Variants in VDAC1 observed in about 807,000 individuals in gnomAD.
VDAC1 encodes the protein voltage dependent anion channel 1.
VDAC1 carries 10 observed loss-of-function variants against 34.7 expected under a neutral mutation model. That is an observed-to-expected ratio of 0.29 (90% CI 0.18 to 0.49). VDAC1 has a LOEUF of 0.49. Ranked by LOEUF, VDAC1 falls within the 20% of genes least tolerant of loss-of-function variation. The probability of loss-of-function intolerance (pLI) is 0.99; values close to 1 mark genes in which losing one functional copy is unlikely to be tolerated. For synonymous variants in VDAC1, 130 were observed against 136.0 expected (o/e 0.96, Z 0.30); for missense variants, 230 against 347.9 (o/e 0.66, Z 2.69).
intron 5 of VDAC1, among the ~76,000 whole-genome samples, chr5:133,990,350 G>A (rs1402911624): frequency 6.6e-6 from 1 of 152,212 alleles, no homozygotes; most frequent in East Asian, 1.9e-4. Context: ...GCTTCCAAAT[G>A]TCACCCACTC....
At chr5:134,102,342 C>A in the VDAC1 span, among the ~76,000 whole-genome samples, 956 of 149,820 alleles carry the variant, frequency 6.4e-3, 32 homozygotes, top group East Asian at 0.079. Flanking sequence ...CTACCCCCCC[C>A]ACCCCAAAGC....
the VDAC1 span, among the ~76,000 whole-genome samples, chr5:134,075,737 C>T: frequency 2.6e-5 from 4 of 151,920 alleles, no homozygotes; most frequent in Non-Finnish European, 5.9e-5. Flanking sequence ...GCGCGTGCCA[C>T]CAGGCCCGGC....
At chr5:134,101,661 A>G in the VDAC1 span, among the ~76,000 whole-genome samples, 5,853 of 152,048 alleles carry the variant, frequency 0.038, 178 homozygotes, top group African/African-American at 0.083. Context: ...TCCTGTCACC[A>G]TTGTTATTGC....
At chr5:133,992,861 G>A (rs1753158463) in intron 2 of VDAC1, 85 bp downstream of exon 2, 2 of 1,325,556 alleles carry the variant, frequency 1.5e-6, no homozygotes, top group Admixed American at 2.2e-5. Flanking sequence ...GACCTACCCA[G>A]GTCTCCTAAA....
At chr5:134,111,041 C>T in the VDAC1 span, among the ~76,000 whole-genome samples, 1 of 152,322 alleles carries the variant, frequency 6.6e-6, no homozygotes, top group South Asian at 2.1e-4. Context: ...CTAAGCTCTT[C>T]ACTAGGGTAC....
At chr5:134,003,090 ACT>A (rs1039233130) in intron 1 of VDAC1, among the ~76,000 whole-genome samples, 16 of 141,126 alleles carry the variant, frequency 1.1e-4, no homozygotes, top group African/African-American at 4.0e-4. Context: ...GAATAGTAAA[ACT>A]CTGTCAGTAA....
upstream of VDAC1, chr5:134,005,656 A>G (rs1753732085): frequency 6.6e-6 from 1 of 152,168 alleles, no homozygotes; most frequent in African/African-American, 2.4e-5. Context: ...AACCCCCGCG[A>G]CCAGCCGGGG....
chr5:134,011,975 G>A, the VDAC1 span, among the ~76,000 whole-genome samples: 1 of 152,074 alleles, frequency 6.6e-6, no homozygotes, highest in Admixed American at 6.6e-5. Flanking sequence ...GAGGGTCAGA[G>A]TGAGAGAAGG....
the VDAC1 span, among the ~76,000 whole-genome samples, chr5:134,099,264 G>A: frequency 6.6e-6 from 1 of 152,166 alleles, no homozygotes; most frequent in Non-Finnish European, 1.5e-5. Context: ...GCTTGGGGAG[G>A]GTGGCTCCGG....
the VDAC1 span, among the ~76,000 whole-genome samples, chr5:134,052,031 C>G: frequency 2.0e-5 from 3 of 151,974 alleles, no homozygotes; most frequent in African/African-American, 7.3e-5. Flanking sequence ...TGAGCAACAG[C>G]GGGTACAAGC....
the VDAC1 span, among the ~76,000 whole-genome samples, chr5:134,080,220 G>A: frequency 3.9e-5 from 6 of 152,196 alleles, no homozygotes; most frequent in African/African-American, 1.2e-4. Context: ...TCACATGTCC[G>A]GTGGCCACTT....
At chr5:134,105,287 C>T in the VDAC1 span, among the ~76,000 whole-genome samples, 1 of 152,272 alleles carries the variant, frequency 6.6e-6, no homozygotes, top group South Asian at 2.1e-4. Flanking sequence ...TTCCTGCTGC[C>T]CCCCACTATC....
the VDAC1 span, among the ~76,000 whole-genome samples, chr5:134,106,416 T>C: frequency 1.7e-5 from 1 of 59,702 alleles, no homozygotes; most frequent in Non-Finnish European, 3.5e-5. Flanking sequence ...GTCATCCTCT[T>C]TTTTTTTTTT....
chr5:133,979,409 T>C (rs1015963316), intron 6 of VDAC1, among the ~76,000 whole-genome samples: 4 of 150,652 alleles, frequency 2.7e-5, no homozygotes, highest in African/African-American at 7.3e-5. Context: ...TATAATAAAA[T>C]TGATATTTTC....
At chr5:134,032,396 T>A in the VDAC1 span, among the ~76,000 whole-genome samples, 21 of 152,002 alleles carry the variant, frequency 1.4e-4, no homozygotes, top group Non-Finnish European at 2.6e-4. Context: ...AGGAAACCAA[T>A]ATATTACCTA....
intron 8 of VDAC1, 114 bp from the exon 9 acceptor site, chr5:133,972,976 C>G: frequency 1.3e-6 from 1 of 783,214 alleles, no homozygotes; most frequent in Non-Finnish European, 2.1e-6. Context: ...AGGGTCCAAA[C>G]TACATGGCCC....
At chr5:134,015,852 C>G in the VDAC1 span, among the ~76,000 whole-genome samples, 1 of 152,116 alleles carries the variant, frequency 6.6e-6, no homozygotes, top group Non-Finnish European at 1.5e-5. Flanking sequence ...ACCATATTGG[C>G]CAGGCTGGTC....
At chr5:134,107,079 C>G in the VDAC1 span, among the ~76,000 whole-genome samples, 3 of 152,252 alleles carry the variant, frequency 2.0e-5, no homozygotes, top group African/African-American at 4.8e-5. Context: ...CACCCCTGCT[C>G]TAGCCTCCAG....
At chr5:134,033,802 C>A in the VDAC1 span, among the ~76,000 whole-genome samples, 5 of 151,788 alleles carry the variant, frequency 3.3e-5, no homozygotes, top group Non-Finnish European at 5.9e-5. Flanking sequence ...ACCATCCTGG[C>A]TAACACGGTG....
Sources: allele counts gnomAD v4.1 joint callset (sites outside exome capture counted in the v4.1 genomes callset), GRCh38; gene constraint gnomAD v4.1.1; transcripts MANE v1.5; gene names NCBI Gene and HGNC (gene_info 2026-07-23, HGNC 2026-07-21).